Variants in LIMK2 observed in about 807,000 individuals in gnomAD.
The protein encoded by LIMK2 is LIM domain kinase 2.
Under a neutral mutation model 75.7 loss-of-function variants are expected in LIMK2, and 35 were observed. The observed-to-expected ratio is 0.46, with a 90% CI of 0.35 to 0.61. LIMK2 has a LOEUF of 0.61. Among genes scored for constraint, LIMK2 ranks in the 20% least tolerant of loss-of-function variants. The pLI, the probability that LIMK2 is intolerant of heterozygous loss-of-function variation, is 0.00. For missense variants in LIMK2, 623 were observed against 831.0 expected, an observed-to-expected ratio of 0.75 and a Z score of 3.08; for synonymous variants, 301 against 319.2, an observed-to-expected ratio of 0.94 and a Z score of 0.61.
At chr22:31,251,589 T>A (rs764520067) in intron 2 of LIMK2, among the ~76,000 whole-genome samples, 5 of 152,242 alleles carry the variant, frequency 3.3e-5, no homozygotes, top group African/African-American at 4.8e-5. Flanking sequence ...GGTTTTTGGT[T>A]GGAACTGAAT....
intron 2 of LIMK2, among the ~76,000 whole-genome samples, chr22:31,234,281 G>A (rs1486583785): frequency 6.7e-6 from 1 of 149,808 alleles, no homozygotes; most frequent in African/African-American, 2.5e-5. Context: ...CAAAGTGCTG[G>A]GATTACAGGT....
rs1332125123 is a variant in LIMK2 at position 31,262,710 on chromosome 22, A to G, written c.773A>G (p.Gln258Arg). Residue 258 changes from glutamine to arginine, a missense_variant, in exon 7 of 16, where the codon CAG becomes CGG. By Grantham distance (43) the Gln-to-Arg change is conservative. Coordinates refer to ENST00000331728, the MANE Select transcript of LIMK2 (RefSeq NM_005569.4). This position sits in a 1 kb window ranked among gnomAD's most constrained non-coding sequence, Gnocchi z 5.0. ...RLEARLAPHM[Q>R]NAGHPHALST... ...GAGGCCCGGCTCGCTCCTCACATGC[A>G]GAATGCCGGACACCCCCACGCCCTC... is the stretch of plus-strand genomic sequence containing the variant. The G allele has an allele frequency of 2.5e-6, 4 of 1,614,192 alleles. No homozygotes were observed. The highest frequency in any genetic ancestry group is 3.3e-5 in the Admixed American group (2 of 60,016).
intron 2 of LIMK2, among the ~76,000 whole-genome samples, chr22:31,253,020 C>T (rs1196539674): frequency 7.1e-6 from 1 of 141,492 alleles, no homozygotes; most frequent in African/African-American, 2.6e-5. Flanking sequence ...ACCCACTGAA[C>T]TGACCATCAG....
In LIMK2 at chr22:31,221,420, G is replaced by A. The variant is rs1327723556; in HGVS notation, c.17-4300G>A. On this transcript the variant is annotated intron_variant, in intron 1 of 15. Coordinates refer to ENST00000331728, the MANE Select transcript of LIMK2 (RefSeq NM_005569.4). The stretch of plus-strand genomic sequence containing the variant: ...TCCTCAAGGAATACTTTGGCCGCCC[G>A]CCCTTTTCCTAGTTATGAACTTGAT... Among the ~76,000 whole-genome samples, 3 of 151,370 alleles carry A rather than the reference G, an allele frequency of 2.0e-5. No homozygotes were observed. In the East Asian group the frequency reaches 5.8e-4, roughly 29 times the overall value.
rs1435957768 is a variant in LIMK2 at position 31,262,941 on chromosome 22, GA to G, written c.854+151del. On this transcript the variant is annotated intron_variant, in intron 7 of 15. Coordinates refer to ENST00000331728, the MANE Select transcript of LIMK2 (RefSeq NM_005569.4). This position sits in a 1 kb window ranked among gnomAD's most constrained non-coding sequence, Gnocchi z 5.0. ...GTGCTGACCCAGCTGCCCCTGTGGG[GA>G]TCACAGTTTACAGCCAGAGCCTGTG... is the stretch of plus-strand genomic sequence containing the variant. 1.4e-6 allele frequency: 1 copy of G among 718,356 alleles called. No homozygotes were observed. Among genetic ancestry groups the G allele is most frequent in the Admixed American group, 3.4e-5 (1 of 29,240 alleles). The allele number at this position is 718,356 out of a possible 1,614,324, so 44.5% of individuals were successfully genotyped here. A position where few individuals can be genotyped will look rare whatever the true frequency, so the allele number is the denominator to read the frequency against.
intron 1 of LIMK2, among the ~76,000 whole-genome samples, chr22:31,218,496 T>TAAAA (rs2048406205): frequency 6.6e-6 from 1 of 152,208 alleles, no homozygotes; most frequent in Non-Finnish European, 1.5e-5. Flanking sequence ...ATCCAAGGTT[T>TAAAA]AGAGAAGCTC....
chr22:31,237,689 G>T (rs5749240), intron 2 of LIMK2, among the ~76,000 whole-genome samples: 6,788 of 152,200 alleles, frequency 0.045, 573 homozygotes, highest in East Asian at 0.38. Flanking sequence ...ATGAATGTTT[G>T]TTCTTTGTTA....
chr22:31,271,751 C>T lies in LIMK2; in HGVS notation c.1383+550C>T, dbSNP rs570087926. Among the ~76,000 whole-genome samples the T allele has an allele frequency of 2.8e-4, 43 of 152,308 alleles. No individual in the cohort carries two copies. The South Asian group carries it at 8.5e-3, about 30-fold the overall frequency. On this transcript the variant is annotated intron_variant, in intron 12 of 15. Transcript: ENST00000331728. ...CACCACGCAATCTTCATTCCTTTCC[C>T]ACATGACTGCCCTGTAGCTATTCAA...
rs2049059533 is a variant in LIMK2, at chr22:31,278,985, G to A, written c.*544G>A. ...TCCTTCCTGGAGCAAGGTTGAGGGA[G>A]TAGGTTTTGAAGAGTCCCTTAATAT... On this transcript the variant is annotated 3_prime_UTR_variant, in exon 16 of 16. Coordinates refer to ENST00000331728, the MANE Select transcript of LIMK2 (RefSeq NM_005569.4). 6.6e-6 allele frequency: 1 copy of A among 152,414 alleles called. No homozygotes were observed. Among genetic ancestry groups the A allele is most frequent in the African/African-American group, 2.4e-5 (1 of 41,462 alleles). 9.4% of individuals were successfully genotyped at this position (152,414 alleles called of 1,614,324 possible).
chr22:31,214,859 G>C (rs775369105), intron 1 of LIMK2, among the ~76,000 whole-genome samples: 7 of 152,100 alleles, frequency 4.6e-5, no homozygotes, highest in Non-Finnish European at 8.8e-5. Flanking sequence ...ACAGTGGCGC[G>C]ATCCAGACTC....
rs2123775105 is a variant in LIMK2, at chr22:31,225,775, A to G, written c.72A>G (p.Ile24Met). The G allele has an allele frequency of 1.9e-6, 3 of 1,614,100 alleles. No individual in the cohort carries two copies. Among genetic ancestry groups the G allele is most frequent in the Non-Finnish European group, 2.5e-6 (3 of 1,179,984 alleles). The change falls in exon 2 of 16, where the codon ATA becomes ATG. Residue 24 changes from isoleucine (I) to methionine (M), a missense_variant. By Grantham distance (10) the Ile-to-Met change is conservative (BLOSUM62 1). Transcript: ENST00000331728. ...GGGACCACATTGCTCCAAGCCAGAT[A>G]TGGTACAGGACTGTCAACGAAACCT... ...GCGDHIAPSQ[I>M]WYRTVNETWH...
chr22:31,269,107 TTTG>T (rs967691050), intron 11 of LIMK2, among the ~76,000 whole-genome samples: 13 of 152,054 alleles, frequency 8.5e-5, no homozygotes, highest in Middle Eastern at 3.4e-3. Context: ...AGGAGGTTTT[TTTG>T]TTGTTGTTGT....
At chr22:31,272,397 C>G in intron 12 of LIMK2, 133 bp from the exon 13 acceptor site, 2 of 836,506 alleles carry the variant, frequency 2.4e-6, no homozygotes, top group South Asian at 2.0e-5. Context: ...TTTGATAGAG[C>G]TTTCTGCTCT....
chr22:31,234,347 A>G (rs894335095), intron 2 of LIMK2, among the ~76,000 whole-genome samples: 37 of 151,492 alleles, frequency 2.4e-4, no homozygotes, highest in Admixed American at 7.2e-4. Context: ...AAAACAAAAA[A>G]AAACTTGACT....
At chr22:31,268,296 A>G in intron 11 of LIMK2, 96 bp downstream of exon 11, 2 of 986,834 alleles carry the variant, frequency 2.0e-6, no homozygotes, top group Non-Finnish European at 3.3e-6. Flanking sequence ...TTCCTATGCA[A>G]CTTGTGTGGG....
In LIMK2 at chr22:31,246,766, A is replaced by C. The variant is rs1045531225; in HGVS notation, c.117-11525A>C. The stretch of plus-strand genomic sequence containing the variant: ...AGAGAGAGACCCTGACTCAAAAAAA[A>C]AAAAACAAAAAAAAAAAACACCCTC... On this transcript the variant is annotated intron_variant, in intron 2 of 15. Transcript: ENST00000331728. 8.2e-5 allele frequency among the ~76,000 whole-genome samples: 12 copies of C among 147,190 alleles called. No homozygotes were observed. The East Asian group carries it at 1.7e-3, about 21-fold the overall frequency.
intron 3 of LIMK2, chr22:31,258,816 G>T: frequency 2.4e-6 from 1 of 413,370 alleles, no homozygotes. Context: ...CTGGACAAAC[G>T]ACTTTAAGCA....
intron 2 of LIMK2, among the ~76,000 whole-genome samples, chr22:31,250,578 TC>T (rs2048715544): frequency 6.6e-6 from 1 of 152,228 alleles, no homozygotes; most frequent in African/African-American, 2.4e-5. Context: ...TAGACATTCT[TC>T]CCTTCCCCAA....
intron 2 of LIMK2, among the ~76,000 whole-genome samples, chr22:31,249,480 G>A (rs1410410318): frequency 6.6e-6 from 1 of 152,152 alleles, no homozygotes; most frequent in Non-Finnish European, 1.5e-5. Flanking sequence ...GGGAGATGTG[G>A]AAACTCTACC....
Sources: allele counts gnomAD v4.1 joint callset (sites outside exome capture counted in the v4.1 genomes callset), GRCh38; gene constraint gnomAD v4.1.1; non-coding constraint Gnocchi (gnomAD v3.1); transcripts MANE v1.5; gene names NCBI Gene and HGNC (gene_info 2026-07-23, HGNC 2026-07-21).